ABI3BP: variants seen among roughly 807,000 people sequenced by gnomAD.
ABI3BP encodes the protein ABI family member 3 binding protein, also known as target of Nesh-SH3.
In ABI3BP, 216 loss-of-function variants were observed where a neutral mutation model predicts 268.6. That is an observed-to-expected ratio of 0.80 (90% CI 0.72 to 0.90). ABI3BP has a LOEUF of 0.90. ABI3BP is among the 40% of genes least tolerant of loss of function. The pLI is 0.00. For synonymous variants in ABI3BP, 730 were observed against 730.0 expected (o/e 1.00, Z 0.00); for missense variants, 2,090 against 2,182.4 (o/e 0.96, Z 0.84).
chr3:100,851,362 C>A (rs534199745), intron 15 of ABI3BP, among the ~76,000 whole-genome samples: 118 of 152,228 alleles, frequency 7.8e-4, no homozygotes, highest in African/African-American at 2.7e-3. Flanking sequence ...GCACTATTGA[C>A]AATTAGGGTC....
chr3:100,924,243 A>T (rs771357690), intron 2 of ABI3BP, among the ~76,000 whole-genome samples: 6 of 152,122 alleles, frequency 3.9e-5, no homozygotes, highest in Non-Finnish European at 7.4e-5. Flanking sequence ...AATAAAAGAT[A>T]CTTAAGAGGC....
intron 64 of ABI3BP, 25 bp downstream of exon 64, chr3:100,754,587 T>G: frequency 6.4e-7 from 1 of 1,557,362 alleles, no homozygotes; most frequent in South Asian, 1.2e-5. Context: ...ACATCCTTTT[T>G]GGGAATTACT....
chr3:100,969,663 A>G (rs2082712458), intron 1 of ABI3BP, among the ~76,000 whole-genome samples: 1 of 152,212 alleles, frequency 6.6e-6, no homozygotes, highest in Non-Finnish European at 1.5e-5. Context: ...TGGAAAAGCC[A>G]ATCTACGTCA....
At chr3:100,881,547 C>T (rs140501805) in intron 6 of ABI3BP, among the ~76,000 whole-genome samples, 138 of 152,076 alleles carry the variant, frequency 9.1e-4, no homozygotes, top group Non-Finnish European at 1.5e-3. Flanking sequence ...TTAAGTAATA[C>T]ATTTTTTCAA....
At chr3:100,875,208 T>G (rs993200728) in intron 8 of ABI3BP, among the ~76,000 whole-genome samples, 3 of 152,236 alleles carry the variant, frequency 2.0e-5, no homozygotes, top group African/African-American at 7.2e-5. Context: ...GAACAAAGAT[T>G]ATTATCAATA....
At chr3:100,915,839 T>C (rs1156774506) in intron 2 of ABI3BP, among the ~76,000 whole-genome samples, 1 of 152,182 alleles carries the variant, frequency 6.6e-6, no homozygotes, top group Non-Finnish European at 1.5e-5. Context: ...TTTCCTGTGC[T>C]CCTGGCATAG....
At chr3:100,783,800 A>G (rs1298922340) in intron 57 of ABI3BP, among the ~76,000 whole-genome samples, 1 of 152,190 alleles carries the variant, frequency 6.6e-6, no homozygotes, top group Non-Finnish European at 1.5e-5. Flanking sequence ...TGTGTTTCCA[A>G]TAAAACTTTA....
chr3:100,788,112 C>A (rs1402753623), intron 56 of ABI3BP, among the ~76,000 whole-genome samples: 1 of 152,040 alleles, frequency 6.6e-6, no homozygotes, highest in Non-Finnish European at 1.5e-5. Context: ...TAGATACATT[C>A]CAAAATGGAA....
intron 1 of ABI3BP, among the ~76,000 whole-genome samples, chr3:100,975,368 C>A (rs2085618185): frequency 6.6e-6 from 1 of 151,994 alleles, no homozygotes; most frequent in South Asian, 2.1e-4. Flanking sequence ...AAGTGAGTCA[C>A]TTTAGAAGGG....
In ABI3BP at chr3:100,901,144, G is replaced by T. The variant is rs140854883; in HGVS notation, c.328+1474C>A. 4.2e-3 allele frequency among the ~76,000 whole-genome samples: 644 copies of T among 152,284 alleles called. 3 individuals carry two copies. Among genetic ancestry groups the T allele is most frequent in the African/African-American group, 0.014 (597 of 41,562 alleles). On this transcript the variant is annotated intron_variant, in intron 3 of 67. Transcript: ENST00000471714. The stretch of plus-strand genomic sequence containing the variant: ...TCTGGACAACTCTCACTAACAAGTT[G>T]TAAGGAGCGATTGGAATTTCCCTTT...
intron 57 of ABI3BP, among the ~76,000 whole-genome samples, chr3:100,782,644 C>T (rs1008996664): frequency 2.0e-4 from 31 of 152,014 alleles, no homozygotes; most frequent in African/African-American, 6.3e-4. Flanking sequence ...AGGCATTTCA[C>T]CCGGGCCAGA....
chr3:100,826,132 G>A lies in ABI3BP; in HGVS notation c.2603-288C>T, dbSNP rs1220953569. On this transcript the variant is annotated intron_variant, in intron 34 of 67. Coordinates refer to ENST00000471714, the MANE Select transcript of ABI3BP (RefSeq NM_001375547.2). ...GACTGATGGACTCATATGAAAGAGA[G>A]ACATGAGCTGCACACACAGAGGAAA... Among the ~76,000 whole-genome samples, 6 of 151,870 alleles carry A rather than the reference G, an allele frequency of 4.0e-5. No homozygotes were observed. The South Asian group carries it at 6.3e-4, about 16-fold the overall frequency.
chr3:100,946,300 G>A (rs1410085541), intron 1 of ABI3BP, among the ~76,000 whole-genome samples: 1 of 151,416 alleles, frequency 6.6e-6, no homozygotes, highest in African/African-American at 2.4e-5. Context: ...GAACCTGGGA[G>A]GCAGAGGCTG....
At chr3:100,985,036 T>A (rs192636145) in intron 1 of ABI3BP, among the ~76,000 whole-genome samples, 1 of 151,868 alleles carries the variant, frequency 6.6e-6, no homozygotes, top group Non-Finnish European at 1.5e-5. Context: ...TTCCATCACA[T>A]CCACTGATAA....
In ABI3BP at chr3:100,847,481, G is replaced by A. The variant is rs77615112; in HGVS notation, c.1648+121C>T. 3.1e-3 allele frequency: 2,605 copies of A among 854,068 alleles called. 43 individuals carry two copies. The African/African-American group carries it at 0.038, about 13-fold the overall frequency. The allele number at this position is 854,068 out of a possible 1,614,324, so 52.9% of individuals were successfully genotyped here. ...TGGTGCACTCTCTGAGATGGGCCAT[G>A]CTGTTCAAATGAACCGTTTTGAGTA... On this transcript the variant is annotated intron_variant, in intron 19 of 67. Transcript: ENST00000471714.
intron 22 of ABI3BP, 136 bp downstream of exon 22, chr3:100,840,684 T>C: frequency 1.4e-6 from 1 of 703,724 alleles, no homozygotes; most frequent in South Asian, 3.3e-5. Flanking sequence ...TTAACTTTTT[T>C]TTCTGAAGAA....
chr3:100,764,237 A>T (rs2096143238), intron 63 of ABI3BP, among the ~76,000 whole-genome samples: 1 of 152,112 alleles, frequency 6.6e-6, no homozygotes, highest in African/African-American at 2.4e-5. Flanking sequence ...GATTTTCCTA[A>T]TTTCTGATGA....
At chr3:100,980,618 G>C (rs1162129975) in intron 1 of ABI3BP, among the ~76,000 whole-genome samples, 2 of 152,224 alleles carry the variant, frequency 1.3e-5, no homozygotes, top group Non-Finnish European at 2.9e-5. Context: ...TGTAAACAAA[G>C]AGTGAGAGGA....
intron 55 of ABI3BP, among the ~76,000 whole-genome samples, chr3:100,792,045 T>C (rs2097209676): frequency 6.6e-6 from 1 of 151,808 alleles, no homozygotes; most frequent in African/African-American, 2.4e-5. Flanking sequence ...CCACAAGTGT[T>C]ATAACCTAAG....
Sources: allele counts gnomAD v4.1 joint callset (sites outside exome capture counted in the v4.1 genomes callset), GRCh38; gene constraint gnomAD v4.1.1; transcripts MANE v1.5; gene names NCBI Gene and HGNC (gene_info 2026-07-23, HGNC 2026-07-21).